DOCK9: variants seen among roughly 807,000 people sequenced by gnomAD.
The protein encoded by DOCK9 is dedicator of cytokinesis 9.
In DOCK9, 89 loss-of-function variants were observed where a neutral mutation model predicts 263.3. That is an observed-to-expected ratio of 0.34 (90% CI 0.28 to 0.40). DOCK9 has a LOEUF of 0.40. Among genes scored for constraint, DOCK9 ranks in the 10% least tolerant of loss-of-function variants. The probability of loss-of-function intolerance (pLI) is 1.00; values close to 1 mark genes in which losing one functional copy is unlikely to be tolerated. For synonymous variants in DOCK9, 976 were observed against 973.1 expected, an observed-to-expected ratio of 1.00 and a Z score of -0.06; for missense variants, 2,140 against 2,603.4, an observed-to-expected ratio of 0.82 and a Z score of 3.87.
chr13:98,974,179 G>A (rs879945146), intron 1 of DOCK9, among the ~76,000 whole-genome samples: 3 of 152,092 alleles, frequency 2.0e-5, no homozygotes, highest in Non-Finnish European at 2.9e-5. Context: ...GTGGCGGGTA[G>A]GGGGTAAAAA....
At position 98,901,775 on chromosome 13, in the gene DOCK9, T is replaced by A. The variant is rs2048318593; in HGVS notation, c.1503+3A>T. 5 of 1,612,090 alleles carry A rather than the reference T, an allele frequency of 3.1e-6. No homozygotes were observed. The Admixed American group carries it at 8.4e-5, about 27-fold the overall frequency. On this transcript the variant is annotated splice_donor_region_variant and intron_variant, in intron 13 of 52. Transcript: ENST00000682017. Reference sequence around the variant, plus strand: ...CACCCCAAAGCGTAAAAGCCATTCATACCTTAGAAGAGTCTGAACTTTTCA... The same window carrying A: ...CACCCCAAAGCGTAAAAGCCATTCAAACCTTAGAAGAGTCTGAACTTTTCA...
intron 1 of DOCK9, among the ~76,000 whole-genome samples, chr13:99,073,212 A>G (rs1041108527): frequency 6.6e-6 from 1 of 152,114 alleles, no homozygotes; most frequent in Non-Finnish European, 1.5e-5. Flanking sequence ...CCCACCCTGC[A>G]TATCCTACCC....
In DOCK9 at chr13:98,915,387, G is replaced by A; in HGVS notation, c.834C>T (p.Ile278=). Residue 278 remains isoleucine (I), a synonymous_variant, in exon 8 of 53, where the codon ATC becomes ATT. Transcript: ENST00000682017. ...MEEWITILNK[I]LQLNFEAAMQ... ...TTGCAGCTTCAAAGTTGAGCTGGAGGATCTTATTTAGAATTGTGATCCATT... is the reference window on the plus strand; with the variant it reads ...TTGCAGCTTCAAAGTTGAGCTGGAGAATCTTATTTAGAATTGTGATCCATT... The A allele has an allele frequency of 6.2e-7, 1 of 1,613,922 alleles. No homozygotes were observed. The highest frequency in any genetic ancestry group is 8.5e-7 in the Non-Finnish European group (1 of 1,179,862).
At chr13:98,845,294 C>A (rs757540634) in intron 38 of DOCK9, 1 of 1,344,454 alleles carries the variant, frequency 7.4e-7, no homozygotes, top group South Asian at 1.2e-5. Flanking sequence ...GTGAAGCAAC[C>A]TCATAAAGCA....
chr13:98,909,843 C>G (rs1222877864), intron 9 of DOCK9, among the ~76,000 whole-genome samples: 1 of 152,210 alleles, frequency 6.6e-6, no homozygotes, highest in Admixed American at 6.5e-5. Context: ...GCCCTTGATC[C>G]TCACTCCATC....
chr13:98,810,365 C>G (rs2091193601), intron 45 of DOCK9, 74 bp from the exon 46 acceptor site: 1 of 1,577,398 alleles, frequency 6.3e-7, no homozygotes, highest in African/African-American at 1.3e-5. Flanking sequence ...TTGCAGAATG[C>G]TAAGTGCTAA....
rs1292310460 is a variant in DOCK9 at position 98,925,881 on chromosome 13, G to A, written c.372C>T (p.Asn124=). The A allele has an allele frequency of 3.2e-6, 5 of 1,587,070 alleles. No homozygotes were observed. The highest frequency in any genetic ancestry group is 3.4e-6 in the Non-Finnish European group (4 of 1,165,918). Residue 124 remains asparagine (N), a synonymous_variant, in exon 4 of 53, where the codon AAC becomes AAT. Transcript: ENST00000682017. ...CTCCTGAGTAATCTTCATATTTATAGTTCACAAGATGCCAGTCAGAGTTAT... is the reference window on the plus strand; with the variant it reads ...CTCCTGAGTAATCTTCATATTTATAATTCACAAGATGCCAGTCAGAGTTAT... ...KTYNSDWHLV[N]YKYEDYSGEF...
intron 2 of DOCK9, among the ~76,000 whole-genome samples, chr13:98,941,360 C>A (rs1164735214): frequency 1.3e-5 from 2 of 152,172 alleles, no homozygotes; most frequent in Non-Finnish European, 2.9e-5. Flanking sequence ...ACACGTGAGA[C>A]TTTAGACAGT....
At chr13:98,904,793 G>A (rs1207325786) in intron 9 of DOCK9, 87 bp from the exon 10 acceptor site, 1 of 1,170,430 alleles carries the variant, frequency 8.5e-7, no homozygotes, top group East Asian at 2.6e-5. Flanking sequence ...GCCCAGTCCT[G>A]AAGGTTGAGG....
At chr13:99,008,185 C>CCTCTCTCT (rs370963218) in intron 1 of DOCK9, among the ~76,000 whole-genome samples, 159 of 100,968 alleles carry the variant, frequency 1.6e-3, no homozygotes, top group East Asian at 5.9e-3. Context: ...TATTGTGCAG[C>CCTCTCTCT]CTCTCTCTCT....
intron 1 of DOCK9, among the ~76,000 whole-genome samples, chr13:99,006,161 C>G (rs756014689): frequency 1.3e-5 from 2 of 152,006 alleles, no homozygotes; most frequent in Non-Finnish European, 2.9e-5. Flanking sequence ...ATGAAGATAA[C>G]GAAGGATTTA....
intron 39 of DOCK9, 46 bp from the exon 40 acceptor site, chr13:98,831,832 T>C (rs762799009): frequency 1.3e-6 from 2 of 1,588,878 alleles, no homozygotes. Flanking sequence ...CAGTCACCTC[T>C]AGTAGGTTTC....
intron 2 of DOCK9, among the ~76,000 whole-genome samples, chr13:98,943,185 C>G (rs1283880974): frequency 2.6e-5 from 4 of 152,236 alleles, no homozygotes; most frequent in African/African-American, 7.2e-5. Flanking sequence ...ACTTCAAACA[C>G]AGCGGAGAGT....
chr13:98,851,508 C>T (rs144865768), intron 35 of DOCK9, among the ~76,000 whole-genome samples: 4 of 152,246 alleles, frequency 2.6e-5, no homozygotes, highest in East Asian at 1.9e-4. Flanking sequence ...AAGCGGCCAG[C>T]GGCATGGGCA....
chr13:98,824,331 A>T (rs2092431596), intron 45 of DOCK9, 67 bp downstream of exon 45: 12 of 1,396,296 alleles, frequency 8.6e-6, no homozygotes, highest in Non-Finnish European at 1.1e-5. Context: ...CTGATGCACT[A>T]GCAATGCAAA....
chr13:99,028,124 G>A (rs1283756885), intron 1 of DOCK9, among the ~76,000 whole-genome samples: 1 of 152,166 alleles, frequency 6.6e-6, no homozygotes, highest in African/African-American at 2.4e-5. Context: ...TGCTAGTACA[G>A]AGGTCCTGAT....
chr13:98,966,799 G>A (rs2059243794), intron 1 of DOCK9, among the ~76,000 whole-genome samples: 1 of 152,250 alleles, frequency 6.6e-6, no homozygotes, highest in South Asian at 2.1e-4. Context: ...GGGAGTTAGA[G>A]TTTAAATCCT....
intron 27 of DOCK9, among the ~76,000 whole-genome samples, chr13:98,872,824 A>T (rs2094222575): frequency 6.6e-6 from 1 of 152,144 alleles, no homozygotes; most frequent in Non-Finnish European, 1.5e-5. Context: ...ATGGCACCTC[A>T]CATCTTCAGT....
At chr13:99,020,425 AC>A (rs752626864) in intron 1 of DOCK9, among the ~76,000 whole-genome samples, 11 of 151,848 alleles carry the variant, frequency 7.2e-5, no homozygotes, top group Admixed American at 7.2e-4. Flanking sequence ...AGGCTGCACA[AC>A]CCCCCAGAAA....
Sources: gnomAD v4.1 joint callset for allele counts (sites outside exome capture counted in the v4.1 genomes callset) on GRCh38, gnomAD v4.1.1 for gene constraint, MANE v1.5 for transcripts, NCBI Gene and HGNC (gene_info 2026-07-23, HGNC 2026-07-21) for gene names.